The following CSMD1 variants were observed in gnomAD, a reference collection of about 807,000 sequenced individuals.
CSMD1 encodes CUB and Sushi multiple domains 1, also known as CUB and sushi domain-containing protein 1.
CSMD1 carries 213 observed loss-of-function variants against 417.5 expected under a neutral mutation model. The ratio of observed to expected loss-of-function variants is 0.51; its 90% CI spans 0.46 to 0.57. The LOEUF (loss-of-function observed/expected upper bound fraction) is 0.57, where lower values mean the gene tolerates loss of function less well. CSMD1 is among the 20% of genes least tolerant of loss of function. The probability of loss-of-function intolerance (pLI) is 0.00; values close to 1 mark genes in which losing one functional copy is unlikely to be tolerated. For missense variants in CSMD1, 6,923 were observed against 4,529.7 expected (o/e 1.53, Z -15.17); for synonymous variants, 2,862 against 1,736.8 (o/e 1.65, Z -16.11).
intron 5 of CSMD1, among the ~76,000 whole-genome samples, chr8:3,811,345 T>C (rs1226628979): frequency 1.3e-5 from 2 of 152,322 alleles, no homozygotes; most frequent in East Asian, 1.9e-4. Context: ...TGGACAATTA[T>C]GGTTTTAAAC....
chr8:3,759,731 T>G lies in CSMD1; in HGVS notation c.819-5689A>C, dbSNP rs543294753. Among the ~76,000 whole-genome samples, 640 of 96,394 alleles carry G rather than the reference T, an allele frequency of 6.6e-3. 5 individuals carry two copies. The highest frequency in any genetic ancestry group is 0.018 in the Middle Eastern group (3 of 164). The allele number at this position is 96,394 out of a possible 152,430, so 63.2% of individuals were successfully genotyped here. On this transcript the variant is annotated intron_variant, in intron 5 of 69. Coordinates refer to ENST00000635120, the MANE Select transcript of CSMD1 (RefSeq NM_033225.6). ...CAATATGGTGAAACACCACCTCTAC[T>G]AAAAATACCAAAAAAAAAAAAAAAA...
intron 49 of CSMD1, among the ~76,000 whole-genome samples, chr8:3,059,336 T>C (rs1189058175): frequency 2.1e-5 from 3 of 144,236 alleles, no homozygotes; most frequent in East Asian, 4.0e-4. Context: ...AAGGTGATCC[T>C]TGCACTCCCT....
intron 5 of CSMD1, among the ~76,000 whole-genome samples, chr8:3,985,819 G>A (rs1192835732): frequency 6.6e-6 from 1 of 150,974 alleles, no homozygotes; most frequent in Non-Finnish European, 1.5e-5. Context: ...GGGTGAGACA[G>A]CATTCTTCAA....
intron 3 of CSMD1, among the ~76,000 whole-genome samples, chr8:4,165,094 G>C (rs369449641): frequency 2.0e-5 from 3 of 152,120 alleles, no homozygotes; most frequent in Non-Finnish European, 4.4e-5. Context: ...TGTGTGTTTA[G>C]AGAAACTAAG....
chr8:4,499,137 T>C (rs748670435), intron 2 of CSMD1, among the ~76,000 whole-genome samples: 6 of 151,998 alleles, frequency 3.9e-5, no homozygotes, highest in Non-Finnish European at 7.4e-5. Flanking sequence ...TAAACCAAGA[T>C]AAAGAAACAA....
intron 1 of CSMD1, among the ~76,000 whole-genome samples, chr8:4,807,224 G>T (rs989798715): frequency 2.6e-5 from 4 of 152,054 alleles, no homozygotes; most frequent in African/African-American, 7.2e-5. Flanking sequence ...CCACTCACCC[G>T]GGGGTTCGGC....
chr8:3,981,927 T>A lies in CSMD1; in HGVS notation c.818+15976A>T, dbSNP rs1015312111. ...TTACAATTGCCTGTAATCCCGGCAC[T>A]TTGGGAGGCCGAGGCAGGTGGATCA... On this transcript the variant is annotated intron_variant, in intron 5 of 69. Coordinates refer to ENST00000635120, the MANE Select transcript of CSMD1 (RefSeq NM_033225.6). Among the ~76,000 whole-genome samples, 5 of 152,156 alleles carry A rather than the reference T, an allele frequency of 3.3e-5. No individual in the cohort carries two copies. The East Asian group carries it at 9.7e-4, about 29-fold the overall frequency.
intron 2 of CSMD1, among the ~76,000 whole-genome samples, chr8:4,625,188 C>T (rs929538491): frequency 9.3e-5 from 13 of 139,748 alleles, no homozygotes; most frequent in Admixed American, 2.2e-4. Flanking sequence ...TACAGAGACC[C>T]ACAGGCAACC....
At chr8:3,695,196 A>G (rs1267608405) in intron 7 of CSMD1, among the ~76,000 whole-genome samples, 2 of 152,002 alleles carry the variant, frequency 1.3e-5, no homozygotes, top group African/African-American at 4.8e-5. Flanking sequence ...ACACTGTCTG[A>G]AAACCAGGTT....
chr8:4,167,121 C>G (rs192249028), intron 3 of CSMD1, among the ~76,000 whole-genome samples: 3 of 152,146 alleles, frequency 2.0e-5, no homozygotes, highest in Non-Finnish European at 4.4e-5. Context: ...CCATATAAAC[C>G]CAAGATGTTA....
At chr8:4,610,754 T>C (rs1232996271) in intron 2 of CSMD1, among the ~76,000 whole-genome samples, 1 of 152,216 alleles carries the variant, frequency 6.6e-6, no homozygotes, top group East Asian at 1.9e-4. Flanking sequence ...CTGCCAATTA[T>C]ATGTTACTTA....
intron 69 of CSMD1, among the ~76,000 whole-genome samples, chr8:2,942,023 G>T (rs1349142672): frequency 6.6e-6 from 1 of 152,140 alleles, no homozygotes; most frequent in South Asian, 2.1e-4. Context: ...TGCTTAAAAA[G>T]TAGGGCAGAA....
intron 3 of CSMD1, among the ~76,000 whole-genome samples, chr8:4,195,373 A>C (rs889994): frequency 6.6e-6 from 1 of 152,244 alleles, no homozygotes; most frequent in African/African-American, 2.4e-5. Context: ...TGGATCTTCT[A>C]TAACATTTTT....
At chr8:4,674,814 C>T (rs1805572346) in intron 1 of CSMD1, among the ~76,000 whole-genome samples, 1 of 151,952 alleles carries the variant, frequency 6.6e-6, no homozygotes, top group Non-Finnish European at 1.5e-5. Context: ...TGTTAAAGTG[C>T]TAAGCCCCCA....
chr8:3,821,374 G>T (rs898633922), intron 5 of CSMD1, among the ~76,000 whole-genome samples: 4 of 152,192 alleles, frequency 2.6e-5, no homozygotes, highest in African/African-American at 9.7e-5. Context: ...TGGCAGCGCA[G>T]GTTTGCATAT....
chr8:4,915,612 G>C (rs1585320322), intron 1 of CSMD1, among the ~76,000 whole-genome samples: 1 of 152,208 alleles, frequency 6.6e-6, no homozygotes, highest in African/African-American at 2.4e-5. Context: ...GCATCCGATT[G>C]AACTCTGGGC....
rs1018190991 is a variant in CSMD1 at position 4,482,256 on chromosome 8, C to T, written c.303-62191G>A. Among the ~76,000 whole-genome samples the T allele has an allele frequency of 3.3e-5, 5 of 152,310 alleles. No individual in the cohort carries two copies. The East Asian group carries it at 7.7e-4, about 24-fold the overall frequency. On this transcript the variant is annotated intron_variant, in intron 2 of 69. Coordinates refer to ENST00000635120, the MANE Select transcript of CSMD1 (RefSeq NM_033225.6). ...ATCCTCTCCCTTCTCCCATCCTCCA[C>T]CCTTATAGCCCCCAGTGTGTGTTGT...
chr8:4,720,336 A>T (rs1165959478), intron 1 of CSMD1, among the ~76,000 whole-genome samples: 1 of 152,202 alleles, frequency 6.6e-6, no homozygotes, highest in East Asian at 1.9e-4. Flanking sequence ...CACCAGAATA[A>T]CATGGTACCA....
chr8:4,484,265 A>T (rs1408241834), intron 2 of CSMD1, among the ~76,000 whole-genome samples: 1 of 151,464 alleles, frequency 6.6e-6, no homozygotes, highest in African/African-American at 2.4e-5. Flanking sequence ...ATTTTCTTCT[A>T]GGAACAAGGT....
Sources: gnomAD v4.1 joint callset for allele counts (sites outside exome capture counted in the v4.1 genomes callset) on GRCh38, gnomAD v4.1.1 for gene constraint, MANE v1.5 for transcripts, NCBI Gene and HGNC (gene_info 2026-07-23, HGNC 2026-07-21) for gene names.